The following PRKD2 variants were observed in gnomAD, a reference collection of about 807,000 sequenced individuals.
PRKD2 encodes the protein serine/threonine-protein kinase D2.
PRKD2 carries 22 observed loss-of-function variants against 86.0 expected under a neutral mutation model. That is an observed-to-expected ratio of 0.26 (90% CI 0.18 to 0.37). The LOEUF (loss-of-function observed/expected upper bound fraction) is 0.37, where lower values mean the gene tolerates loss of function less well. Ranked by LOEUF, PRKD2 falls within the 10% of genes least tolerant of loss-of-function variation. The pLI is 1.00. For missense variants in PRKD2, 818 were observed against 1,199.2 expected (o/e 0.68, Z 4.70); for synonymous variants, 509 against 510.9 (o/e 1.00, Z 0.05).
At chr19:46,691,493 C>T (rs2053483089) in intron 12 of PRKD2, among the ~76,000 whole-genome samples, 1 of 152,150 alleles carries the variant, frequency 6.6e-6, no homozygotes, top group African/African-American at 2.4e-5. Flanking sequence ...ACCTCTGTGA[C>T]CAATCAGAGT....
chr19:46,697,466 C>T (rs528285289), intron 8 of PRKD2: 2 of 590,790 alleles, frequency 3.4e-6, no homozygotes, highest in Non-Finnish European at 6.0e-6. Flanking sequence ...CCCACTTAGC[C>T]CTCTTCCTCC....
At position 46,678,762 on chromosome 19, in the gene PRKD2, G is replaced by C; in HGVS notation, c.2071-99C>G. 7.1e-7 allele frequency: 1 copy of C among 1,402,230 alleles called. No individual in the cohort carries two copies. The highest frequency in any genetic ancestry group is 9.6e-7 in the Non-Finnish European group (1 of 1,046,538). The allele number at this position is 1,402,230 out of a possible 1,614,324, so 86.9% of individuals were successfully genotyped here. A position where few individuals can be genotyped will look rare whatever the true frequency, so the allele number is the denominator to read the frequency against. ...CCTCCATGGTATTCCAGAGAAAGCT[G>C]GATGCTGGTTTGAATCCAGGCTCCT... On this transcript the variant is annotated intron_variant, in intron 15 of 17. Transcript: ENST00000291281. The surrounding 1 kb of genome is among the most constrained non-coding windows in gnomAD (Gnocchi z 5.7).
rs928344124 is a variant in PRKD2, at chr19:46,678,325, C to T, written c.2338+71G>A. 1.9e-6 allele frequency: 3 copies of T among 1,558,890 alleles called. No homozygotes were observed. Among genetic ancestry groups the T allele is most frequent in the Non-Finnish European group, 1.7e-6 (2 of 1,154,884 alleles). On this transcript the variant is annotated intron_variant, in intron 16 of 17. Transcript: ENST00000291281. The surrounding 1 kb of genome is among the most constrained non-coding windows in gnomAD (Gnocchi z 5.7). ...GCTGTTTCCGGGTCCACCCCCCTCTCATGGCTCCGCCCACTTCTCCAGCCC... is the reference window on the plus strand; with the variant it reads ...GCTGTTTCCGGGTCCACCCCCCTCTTATGGCTCCGCCCACTTCTCCAGCCC...
intron 1 of PRKD2, among the ~76,000 whole-genome samples, chr19:46,715,421 T>C (rs931667621): frequency 2.0e-5 from 3 of 152,242 alleles, no homozygotes; most frequent in Admixed American, 1.3e-4. Flanking sequence ...TCTAATATTC[T>C]AACATTTCTA....
At position 46,678,683 on chromosome 19, in the gene PRKD2, G is replaced by C. The variant is rs774341208; in HGVS notation, c.2071-20C>G. 4 of 1,595,286 alleles carry C rather than the reference G, an allele frequency of 2.5e-6. No homozygotes were observed. Among genetic ancestry groups the C allele is most frequent in the Non-Finnish European group, 2.6e-6 (3 of 1,175,716 alleles). Reference sequence around the variant, plus strand: ...CTTCACCTGCAGAGGGCAAGGGATGGAGGCTCCACCAGGTGATGGAGCCGC... The same window carrying C: ...CTTCACCTGCAGAGGGCAAGGGATGCAGGCTCCACCAGGTGATGGAGCCGC... On this transcript the variant is annotated intron_variant, in intron 15 of 17. Transcript: ENST00000291281. The surrounding 1 kb of genome is among the most constrained non-coding windows in gnomAD (Gnocchi z 5.7).
chr19:46,707,683 T>G (rs1404050940), intron 3 of PRKD2, among the ~76,000 whole-genome samples: 1 of 152,178 alleles, frequency 6.6e-6, no homozygotes, highest in Non-Finnish European at 1.5e-5. Flanking sequence ...GTACATGGCC[T>G]TCATCTGTAG....
chr19:46,705,896 A>ACC (rs2053708244), intron 3 of PRKD2, among the ~76,000 whole-genome samples: 1 of 152,042 alleles, frequency 6.6e-6, no homozygotes, highest in Non-Finnish European at 1.5e-5. Context: ...ATCTCCCTGT[A>ACC]CCCCCGGCTG....
At chr19:46,685,258 C>CAAAAA (rs763420052) in intron 14 of PRKD2, among the ~76,000 whole-genome samples, 17 of 88,866 alleles carry the variant, frequency 1.9e-4, no homozygotes, top group East Asian at 1.5e-3. Context: ...GACTTCGTCT[C>CAAAAA]AAAAAAAAAA....
At chr19:46,709,355 G>A (rs112817916) in intron 3 of PRKD2, 26 of 167,886 alleles carry the variant, frequency 1.5e-4, no homozygotes, top group African/African-American at 5.5e-4. Flanking sequence ...CCCCATGGAG[G>A]TATTTTCTTT....
chr19:46,707,956 G>A (rs139170002), intron 3 of PRKD2, among the ~76,000 whole-genome samples: 37 of 152,216 alleles, frequency 2.4e-4, no homozygotes, highest in African/African-American at 8.7e-4. Context: ...AATTAGCCGG[G>A]CAGTAATGGT....
chr19:46,710,959 A>G lies in PRKD2; in HGVS notation c.459T>C (p.Asp153=). 1.3e-6 allele frequency: 2 copies of G among 1,577,614 alleles called. No individual in the cohort carries two copies. The highest frequency in any genetic ancestry group is 1.7e-6 in the Non-Finnish European group (2 of 1,161,632). ...VHSYRAPAFC[D]HCGEMLFGLV... is the part of the protein sequence containing the mutation. ...GGCCGAAGAGCATCTCCCCGCAGTGATCACAGAAGGCAGGCGCCCGATAGG... is the reference window on the plus strand; with the variant it reads ...GGCCGAAGAGCATCTCCCCGCAGTGGTCACAGAAGGCAGGCGCCCGATAGG... Residue 153 remains aspartate (D), a synonymous_variant, in exon 3 of 18, where the codon GAT becomes GAC. Coordinates refer to ENST00000291281, the MANE Select transcript of PRKD2 (RefSeq NM_016457.5).
chr19:46,688,304 C>T lies in PRKD2; in HGVS notation c.1971+1233G>A, dbSNP rs1433249548. 2.6e-5 allele frequency among the ~76,000 whole-genome samples: 4 copies of T among 151,896 alleles called. No individual in the cohort carries two copies. In the East Asian group the frequency reaches 7.7e-4, roughly 29 times the overall value. On this transcript the variant is annotated intron_variant, in intron 14 of 17. Transcript: ENST00000291281. ...AGGTGTACCCCACCATGCCTGACTC[C>T]CCTTTTTTCTAGATGAGTCAAGTCA...
chr19:46,710,847 C>T (rs974456662), intron 3 of PRKD2, 60 bp downstream of exon 3: 9 of 1,487,476 alleles, frequency 6.1e-6, no homozygotes, highest in Non-Finnish European at 8.1e-6. Context: ...AGGACCATTA[C>T]GCTCCGCCCC....
chr19:46,699,468 C>G (rs1407541895), intron 7 of PRKD2, among the ~76,000 whole-genome samples: 1 of 152,190 alleles, frequency 6.6e-6, no homozygotes, highest in Non-Finnish European at 1.5e-5. Flanking sequence ...TTCCAGTGCA[C>G]CTGTGAGGGT....
chr19:46,716,628 T>G lies in PRKD2; in HGVS notation c.-258A>C. 1 of 338,330 alleles carries G rather than the reference T, an allele frequency of 3.0e-6. No homozygotes were observed. Among genetic ancestry groups the G allele is most frequent in the South Asian group, 1.2e-4 (1 of 8,244 alleles). The allele number at this position is 338,330 out of a possible 1,614,324, so 21.0% of individuals were successfully genotyped here. ...AAGGAGAAAAGTAGTGGGTTGGAGGTCCCAGCGATTGAGATTCCAAGAAGC... is the reference window on the plus strand; with the variant it reads ...AAGGAGAAAAGTAGTGGGTTGGAGGGCCCAGCGATTGAGATTCCAAGAAGC... On this transcript the variant is annotated 5_prime_UTR_variant, in exon 1 of 18. Coordinates refer to ENST00000291281, the MANE Select transcript of PRKD2 (RefSeq NM_016457.5). This position sits in a 1 kb window ranked among gnomAD's most constrained non-coding sequence, Gnocchi z 7.9.
chr19:46,696,401 C>T (rs2053557715), intron 9 of PRKD2, among the ~76,000 whole-genome samples: 1 of 152,060 alleles, frequency 6.6e-6, no homozygotes, highest in South Asian at 2.1e-4. Flanking sequence ...AAGACAGTGG[C>T]TGGGACACAG....
In PRKD2 at chr19:46,678,427, C is replaced by G. The variant is rs772365850; in HGVS notation, c.2307G>C (p.Pro769=). 6.2e-7 allele frequency: 1 copy of G among 1,614,122 alleles called. No homozygotes were observed. Among genetic ancestry groups the G allele is most frequent in the Non-Finnish European group, 8.5e-7 (1 of 1,180,024 alleles). ...CTGAGATGTGGCTCCAGGGGCTGGC[C>G]GGGTACATGAAGGCGGCGTTCTGGA... is the stretch of plus-strand genomic sequence containing the variant. ...DQIQNAAFMY[P]ASPWSHISAG... Residue 769 remains proline, a synonymous_variant, in exon 16 of 18, where the codon CCG becomes CCC. Coordinates refer to ENST00000291281, the MANE Select transcript of PRKD2 (RefSeq NM_016457.5). This position sits in a 1 kb window ranked among gnomAD's most constrained non-coding sequence, Gnocchi z 5.7.
At chr19:46,690,012 T>G (rs1201762546) in intron 13 of PRKD2, among the ~76,000 whole-genome samples, 3 of 152,048 alleles carry the variant, frequency 2.0e-5, no homozygotes, top group Non-Finnish European at 4.4e-5. Context: ...AGTGCTGGGA[T>G]TACAGGCGTG....
intron 14 of PRKD2, among the ~76,000 whole-genome samples, chr19:46,688,127 C>A (rs142085313): frequency 2.6e-5 from 4 of 152,020 alleles, no homozygotes; most frequent in Non-Finnish European, 5.9e-5. Flanking sequence ...TGGCTTCAAG[C>A]GATCCTCTTG....
Sources: allele counts gnomAD v4.1 joint callset (sites outside exome capture counted in the v4.1 genomes callset), GRCh38; gene constraint gnomAD v4.1.1; non-coding constraint Gnocchi (gnomAD v3.1); transcripts MANE v1.5; gene names NCBI Gene and HGNC (gene_info 2026-07-23, HGNC 2026-07-21).